Variants in ADAT2 observed in about 807,000 individuals in gnomAD.
The protein encoded by ADAT2 is adenosine deaminase tRNA specific 2, also known as tRNA-specific adenosine-34 deaminase catalytic subunit ADAT2.
Under a neutral mutation model 25.9 loss-of-function variants are expected in ADAT2, and 26 were observed. The observed-to-expected ratio is 1.00, with a 90% CI of 0.74 to 1.39. The LOEUF (loss-of-function observed/expected upper bound fraction) is 1.39, where lower values mean the gene tolerates loss of function less well. ADAT2 is among the 40% of genes most tolerant of loss of function. The pLI is 0.00. For missense variants in ADAT2, 220 were observed against 244.8 expected, an observed-to-expected ratio of 0.90 and a Z score of 0.68; for synonymous variants, 76 against 86.8, an observed-to-expected ratio of 0.88 and a Z score of 0.69.
chr6:143,440,954 G>A lies in ADAT2; in HGVS notation c.97-2260C>T, dbSNP rs1779440800. Reference sequence around the variant, plus strand: ...TCCTGAAGGCACCCACAGAAGGCAAGAGGCGAAGTGATAACGGAAGGAGAG... The same window carrying A: ...TCCTGAAGGCACCCACAGAAGGCAAAAGGCGAAGTGATAACGGAAGGAGAG... On this transcript the variant is annotated intron_variant, in intron 1 of 5. Transcript: ENST00000237283. This position sits in a 1 kb window ranked among gnomAD's most constrained non-coding sequence, Gnocchi z 4.5. 6.6e-6 allele frequency among the ~76,000 whole-genome samples: 1 copy of A among 152,194 alleles called. No individual in the cohort carries two copies. The highest frequency in any genetic ancestry group is 6.5e-5 in the Admixed American group (1 of 15,280).
rs185908464 is a variant in ADAT2, at chr6:143,433,258, G to C, written c.352+573C>G. Among the ~76,000 whole-genome samples the C allele has an allele frequency of 5.1e-4, 77 of 152,244 alleles. 1 individual carries two copies. Among genetic ancestry groups the C allele is most frequent in the Admixed American group, 4.6e-3 (71 of 15,294 alleles). On this transcript the variant is annotated intron_variant, in intron 3 of 5. Coordinates refer to ENST00000237283, the MANE Select transcript of ADAT2 (RefSeq NM_182503.3). ...AAATAATTTTTTAAAAAGATCTTTA[G>C]AAGTCCCTACAGAGTCTCTGCACTA...
rs1394067296 is a variant in ADAT2 at position 143,434,633 on chromosome 6, G to A, written c.202-652C>T. ...GACTTACGCAAGTAACTTAACTTCT[G>A]TAAGTCTAGGATTCCCCATATGTAA... On this transcript the variant is annotated intron_variant, in intron 2 of 5. Coordinates refer to ENST00000237283, the MANE Select transcript of ADAT2 (RefSeq NM_182503.3). The surrounding 1 kb of genome is among the most constrained non-coding windows in gnomAD (Gnocchi z 4.5). Among the ~76,000 whole-genome samples, 1 of 152,170 alleles carries A rather than the reference G, an allele frequency of 6.6e-6. No homozygotes were observed. Among genetic ancestry groups the A allele is most frequent in the East Asian group, 1.9e-4 (1 of 5,192 alleles).
intron 1 of ADAT2, among the ~76,000 whole-genome samples, chr6:143,450,091 G>A (rs1779719697): frequency 1.3e-5 from 2 of 152,136 alleles, no homozygotes; most frequent in South Asian, 4.1e-4. Flanking sequence ...AGGGAGTGAG[G>A]GAAGGAAGTA....
rs544158087 is a variant in ADAT2, at chr6:143,440,497, A to G, written c.97-1803T>C. On this transcript the variant is annotated intron_variant, in intron 1 of 5. Coordinates refer to ENST00000237283, the MANE Select transcript of ADAT2 (RefSeq NM_182503.3). This position sits in a 1 kb window ranked among gnomAD's most constrained non-coding sequence, Gnocchi z 4.5. The stretch of plus-strand genomic sequence containing the variant: ...AGCAAACTGGGCCTCTCTTTTCTCC[A>G]TCTGGTTGGTGGGTCAGAGATGGGG... Among the ~76,000 whole-genome samples, 1 of 152,184 alleles carries G rather than the reference A, an allele frequency of 6.6e-6. No homozygotes were observed. The highest frequency in any genetic ancestry group is 2.4e-5 in the African/African-American group (1 of 41,450).
chr6:143,435,064 T>C (rs958100379), intron 2 of ADAT2, among the ~76,000 whole-genome samples: 1 of 149,664 alleles, frequency 6.7e-6, no homozygotes. Flanking sequence ...AGGGGCTACA[T>C]GGGTGAATCA....
intron 4 of ADAT2, among the ~76,000 whole-genome samples, chr6:143,430,666 G>A (rs965834392): frequency 6.6e-6 from 1 of 152,032 alleles, no homozygotes; most frequent in Non-Finnish European, 1.5e-5. Flanking sequence ...CCCGGGTTCA[G>A]GCCATTCTCC....
rs978077967 is a variant in ADAT2 at position 143,434,363 on chromosome 6, C to T, written c.202-382G>A. Among the ~76,000 whole-genome samples, 5 of 152,188 alleles carry T rather than the reference C, an allele frequency of 3.3e-5. No homozygotes were observed. The highest frequency in any genetic ancestry group is 9.7e-5 in the African/African-American group (4 of 41,446). On this transcript the variant is annotated intron_variant, in intron 2 of 5. Transcript: ENST00000237283. This position sits in a 1 kb window ranked among gnomAD's most constrained non-coding sequence, Gnocchi z 4.5. ...TTTTCATAAGCTTGTGCTCTAGTTT[C>T]AAATATATTTTCAAGGCTGTCACTG...
chr6:143,432,435 G>A lies in ADAT2; in HGVS notation c.459+70C>T. The A allele has an allele frequency of 7.2e-7, 1 of 1,380,098 alleles. No individual in the cohort carries two copies. Among genetic ancestry groups the A allele is most frequent in the Non-Finnish European group, 1.0e-6 (1 of 972,054 alleles). 85.5% of individuals were successfully genotyped at this position (1,380,098 alleles called of 1,614,324 possible). ...TTCTTCGTATACTGGCCACACACTA[G>A]TTATTCACAAGCCCATAAAGAGATG... On this transcript the variant is annotated intron_variant, in intron 4 of 5. Coordinates refer to ENST00000237283, the MANE Select transcript of ADAT2 (RefSeq NM_182503.3). The surrounding 1 kb of genome is among the most constrained non-coding windows in gnomAD (Gnocchi z 4.4).
chr6:143,433,722 G>T (rs1489145277), intron 3 of ADAT2, 109 bp downstream of exon 3: 3 of 1,153,694 alleles, frequency 2.6e-6, no homozygotes, highest in African/African-American at 1.5e-5. Context: ...ATTTTACAAG[G>T]TGTTTCCTAA....
chr6:143,445,385 A>AT, intron 1 of ADAT2, among the ~76,000 whole-genome samples: 1 of 152,232 alleles, frequency 6.6e-6, no homozygotes, highest in South Asian at 2.1e-4. Context: ...GCGTTCATAG[A>AT]TCCCCCTAAA....
rs929632285 is a variant in ADAT2 at position 143,443,794 on chromosome 6, G to C, written c.97-5100C>G. Reference sequence around the variant, plus strand: ...TGCAGTGAGCCCAGATTGTGCCATTGCATTCCAGCCTGGGCGACAAAGTGA... The same window carrying C: ...TGCAGTGAGCCCAGATTGTGCCATTCCATTCCAGCCTGGGCGACAAAGTGA... On this transcript the variant is annotated intron_variant, in intron 1 of 5. Transcript: ENST00000237283. 7.3e-5 allele frequency among the ~76,000 whole-genome samples: 11 copies of C among 150,190 alleles called. 2 individuals carry two copies. Among genetic ancestry groups the C allele is most frequent in the East Asian group, 2.0e-4 (1 of 5,078 alleles).
At position 143,438,708 on chromosome 6, in the gene ADAT2, T is replaced by G; in HGVS notation, c.97-14A>C. ...GGCTTCTTTGGCCTGAAACACAAAGTGGAAAATGTAAGACGTAATACTCCA... is the reference window on the plus strand; with the variant it reads ...GGCTTCTTTGGCCTGAAACACAAAGGGGAAAATGTAAGACGTAATACTCCA... On this transcript the variant is annotated splice_polypyrimidine_tract_variant and intron_variant, in intron 1 of 5. Transcript: ENST00000237283. 6.2e-7 allele frequency: 1 copy of G among 1,604,116 alleles called. No homozygotes were observed.
Position 143,446,550 on chromosome 6 carries a change from G to A in ADAT2, c.96+4013C>T, listed in dbSNP as rs868228443. On this transcript the variant is annotated intron_variant, in intron 1 of 5. Coordinates refer to ENST00000237283, the MANE Select transcript of ADAT2 (RefSeq NM_182503.3). This position sits in a 1 kb window ranked among gnomAD's most constrained non-coding sequence, Gnocchi z 5.0. Reference sequence around the variant, plus strand: ...TATTACAAAATTGGGGAAAGTATATGCCTCGGCAATTCACAGAAGAAAAAA... The same window carrying A: ...TATTACAAAATTGGGGAAAGTATATACCTCGGCAATTCACAGAAGAAAAAA... Among the ~76,000 whole-genome samples, 1 of 151,976 alleles carries A rather than the reference G, an allele frequency of 6.6e-6. No individual in the cohort carries two copies.
Position 143,446,663 on chromosome 6 carries a change from G to A in ADAT2, c.96+3900C>T, listed in dbSNP as rs1466723499. Among the ~76,000 whole-genome samples, 1 of 152,016 alleles carries A rather than the reference G, an allele frequency of 6.6e-6. No homozygotes were observed. Among genetic ancestry groups the A allele is most frequent in the African/African-American group, 2.4e-5 (1 of 41,376 alleles). On this transcript the variant is annotated intron_variant, in intron 1 of 5. Coordinates refer to ENST00000237283, the MANE Select transcript of ADAT2 (RefSeq NM_182503.3). The surrounding 1 kb of genome is among the most constrained non-coding windows in gnomAD (Gnocchi z 5.0). ...GAAGAAAGAGAGCAGAGGATATGTT[G>A]GCAAGCAGTGAGCTACCTAACACCG...
rs1779560453 is a variant in ADAT2 at position 143,444,964 on chromosome 6, T to C, written c.96+5599A>G. ...ACAGTTTGATGAGTCCTTAAAGAAA[T>C]ATTTCCTATAAAGACAAAAAATTAG... On this transcript the variant is annotated intron_variant, in intron 1 of 5. Transcript: ENST00000237283. The surrounding 1 kb of genome is among the most constrained non-coding windows in gnomAD (Gnocchi z 4.3). 1 of 1,303,128 alleles carries C rather than the reference T, an allele frequency of 7.7e-7. No individual in the cohort carries two copies. 80.7% of individuals were successfully genotyped at this position (1,303,128 alleles called of 1,614,324 possible). A position where few individuals can be genotyped will look rare whatever the true frequency, so the allele number is the denominator to read the frequency against.
In ADAT2 at chr6:143,428,210, A is replaced by G. The variant is rs978065492; in HGVS notation, c.*253T>C. 3.7e-6 allele frequency: 2 copies of G among 537,554 alleles called. No individual in the cohort carries two copies. Among genetic ancestry groups the G allele is most frequent in the Non-Finnish European group, 6.6e-6 (2 of 304,688 alleles). 33.3% of individuals were successfully genotyped at this position (537,554 alleles called of 1,614,324 possible). On this transcript the variant is annotated 3_prime_UTR_variant, in exon 6 of 6. Transcript: ENST00000237283. This position sits in a 1 kb window ranked among gnomAD's most constrained non-coding sequence, Gnocchi z 5.0. ...GGGTATGCACTACTTGCTAATTTCTAAAACCTCAAACCTTAATTTTCCCCC... is the reference window on the plus strand; with the variant it reads ...GGGTATGCACTACTTGCTAATTTCTGAAACCTCAAACCTTAATTTTCCCCC...
At chr6:143,435,189 C>A (rs17072608) in intron 2 of ADAT2, among the ~76,000 whole-genome samples, 2,571 of 149,062 alleles carry the variant, frequency 0.017, 101 homozygotes, top group South Asian at 0.074. Context: ...GTTTCCCCAA[C>A]TTAGGTGCTT....
Position 143,428,335 on chromosome 6 carries a change from G to T in ADAT2, c.*128C>A. 9.6e-7 allele frequency: 1 copy of T among 1,040,258 alleles called. No individual in the cohort carries two copies. Among genetic ancestry groups the T allele is most frequent in the Non-Finnish European group, 1.4e-6 (1 of 715,876 alleles). The allele number at this position is 1,040,258 out of a possible 1,614,324, so 64.4% of individuals were successfully genotyped here. A position where few individuals can be genotyped will look rare whatever the true frequency, so the allele number is the denominator to read the frequency against. ...TTGTTCCCTTAACAGAGCAAATGAT[G>T]AGAGACACCATTTTCCTGCAGATTA... On this transcript the variant is annotated 3_prime_UTR_variant, in exon 6 of 6. Coordinates refer to ENST00000237283, the MANE Select transcript of ADAT2 (RefSeq NM_182503.3). This position sits in a 1 kb window ranked among gnomAD's most constrained non-coding sequence, Gnocchi z 5.0.
Position 143,433,908 on chromosome 6 carries a change from G to A in ADAT2, c.275C>T (p.Ser92Phe). The change falls in exon 3 of 6, where the codon TCT becomes TTT. Residue 92 changes from serine (S) to phenylalanine (F), a missense_variant. By Grantham distance (155) the Ser-to-Phe change is radical. Transcript: ENST00000237283. The part of the protein sequence containing the change: ...DWCRQSGKSP[S>F]EVFEHTVLYV... ...CAACACAGTGTGTTCAAATACTTCAGAGGGACTCTTGCCACTTTGACGACA... is the reference window on the plus strand; with the variant it reads ...CAACACAGTGTGTTCAAATACTTCAAAGGGACTCTTGCCACTTTGACGACA... 6.2e-7 allele frequency: 1 copy of A among 1,614,164 alleles called. No homozygotes were observed. Among genetic ancestry groups the A allele is most frequent in the Non-Finnish European group, 8.5e-7 (1 of 1,180,024 alleles).
Sources: gnomAD v4.1 joint callset for allele counts (sites outside exome capture counted in the v4.1 genomes callset) on GRCh38, gnomAD v4.1.1 for gene constraint, Gnocchi (gnomAD v3.1) non-coding constraint, MANE v1.5 for transcripts, NCBI Gene and HGNC (gene_info 2026-07-23, HGNC 2026-07-21) for gene names.